Variants in FLNB observed in about 807,000 individuals in gnomAD.
FLNB encodes filamin B.
Under a neutral mutation model 250.6 loss-of-function variants are expected in FLNB, and 111 were observed. The observed-to-expected ratio is 0.44, with a 90% CI of 0.38 to 0.52. FLNB has a LOEUF of 0.52. FLNB is among the 20% of genes least tolerant of loss of function. The pLI is 0.00. For missense variants in FLNB, 2,869 were observed against 3,447.8 expected, an observed-to-expected ratio of 0.83 and a Z score of 4.20; for synonymous variants, 1,302 against 1,372.1, an observed-to-expected ratio of 0.95 and a Z score of 1.13.
intron 22 of FLNB, 54 bp downstream of exon 22, chr3:58,124,559 T>C: frequency 6.3e-7 from 1 of 1,586,358 alleles, no homozygotes; most frequent in Non-Finnish European, 8.6e-7. Flanking sequence ...CCTTGGTCAT[T>C]GCCTCCTGGT....
rs371047840 is a variant in FLNB at position 58,132,578 on chromosome 3, ATT to A, written c.4391-227_4391-226del. On this transcript the variant is annotated intron_variant, in intron 25 of 45. Coordinates refer to ENST00000295956, the MANE Select transcript of FLNB (RefSeq NM_001457.4). ...TTATACTCTAGGGCAGACTGAGTGTATTTTAGCCAACAAAAAGCTAAAGGTGT... is the reference window on the plus strand; with the variant it reads ...TTATACTCTAGGGCAGACTGAGTGTATTAGCCAACAAAAAGCTAAAGGTGT... The A allele has an allele frequency of 5.0e-6, 3 of 598,684 alleles. No individual in the cohort carries two copies. In the African/African-American group the frequency reaches 5.5e-5, roughly 11 times the overall value. 37.1% of individuals were successfully genotyped at this position (598,684 alleles called of 1,614,324 possible).
chr3:58,014,937 C>T (rs56124659), intron 1 of FLNB, among the ~76,000 whole-genome samples: 40,672 of 152,028 alleles, frequency 0.27, 5,769 homozygotes, highest in East Asian at 0.5. Flanking sequence ...CCTTGTTGGT[C>T]AGGCTGGTCT....
At chr3:58,150,353 T>G in intron 38 of FLNB, 126 bp downstream of exon 38, 1 of 949,160 alleles carries the variant, frequency 1.1e-6, no homozygotes, top group East Asian at 2.4e-5. Context: ...GCTGACCTTT[T>G]CATTTCACTT....
In FLNB at chr3:58,008,738, C is replaced by G. The variant is rs2097093923; in HGVS notation, c.174C>G (p.Ser58Arg). ...LRLIALLEVL[S>R]QKRMYRKYHQ... ...TCATCGCGCTGCTCGAGGTGCTCAGCCAGAAGCGCATGTACCGCAAGTACC... is the reference window on the plus strand; with the variant it reads ...TCATCGCGCTGCTCGAGGTGCTCAGGCAGAAGCGCATGTACCGCAAGTACC... Residue 58 changes from serine to arginine, a missense_variant, in exon 1 of 46, where the codon AGC (serine) becomes AGG (arginine). Physicochemically the swap from Ser to Arg is moderately radical, Grantham distance 110. Around this residue, in one of 5 missense-constraint regions of FLNB, gnomAD observed 308 missense variants for 466.1 expected, o/e 0.66. Transcript: ENST00000295956. 6.2e-7 allele frequency: 1 copy of G among 1,614,052 alleles called. No homozygotes were observed. The highest frequency in any genetic ancestry group is 1.1e-5 in the South Asian group (1 of 91,090).
At chr3:58,110,443 G>T (rs1014774083) in intron 16 of FLNB, among the ~76,000 whole-genome samples, 2 of 146,336 alleles carry the variant, frequency 1.4e-5, no homozygotes, top group African/African-American at 4.9e-5. Context: ...TTTTTAATTT[G>T]TTTTTATTTT....
Position 58,014,821 on chromosome 3 carries a change from C to T in FLNB, c.292+5965C>T, listed in dbSNP as rs918700024. Reference sequence around the variant, plus strand: ...TCGGCTCACTGCAACCTCTGTCTCCCGGGGTCAAGCAATTCTCCTGCCTCA... The same window carrying T: ...TCGGCTCACTGCAACCTCTGTCTCCTGGGGTCAAGCAATTCTCCTGCCTCA... On this transcript the variant is annotated intron_variant, in intron 1 of 45. Transcript: ENST00000295956. Among the ~76,000 whole-genome samples the T allele has an allele frequency of 6.6e-5, 10 of 152,230 alleles. No homozygotes were observed. In the East Asian group the frequency reaches 1.2e-3, roughly 18 times the overall value.
rs540173751 is a variant in FLNB at position 58,147,406 on chromosome 3, G to A, written c.5728+413G>A. Among the ~76,000 whole-genome samples, 352 of 152,330 alleles carry A rather than the reference G, an allele frequency of 2.3e-3. 2 individuals carry two copies. Among genetic ancestry groups the A allele is most frequent in the Middle Eastern group, 0.017 (5 of 294 alleles). ...TGAGGCTTGGCAAGGTAGTGGTGTA[G>A]CCAAGTTCACATATAGGTAAACAGA... is the stretch of plus-strand genomic sequence containing the variant. On this transcript the variant is annotated intron_variant, in intron 34 of 45. Coordinates refer to ENST00000295956, the MANE Select transcript of FLNB (RefSeq NM_001457.4).
chr3:58,078,274 A>G, intron 2 of FLNB: 1 of 1,419,136 alleles, frequency 7.0e-7, no homozygotes, highest in Non-Finnish European at 9.1e-7. Context: ...CCTTTACCTC[A>G]TGTGCTTACA....
At chr3:58,076,142 ATGAT>A (rs777475686) in intron 1 of FLNB, among the ~76,000 whole-genome samples, 4 of 152,214 alleles carry the variant, frequency 2.6e-5, no homozygotes, top group Non-Finnish European at 4.4e-5. Context: ...AAATATGAAA[ATGAT>A]TGATAACACC....
intron 39 of FLNB, 119 bp downstream of exon 39, chr3:58,153,760 G>A: frequency 8.5e-7 from 1 of 1,171,048 alleles, no homozygotes; most frequent in Non-Finnish European, 1.2e-6. Context: ...GTGGCATTAA[G>A]GGCATTATTT....
intron 8 of FLNB, among the ~76,000 whole-genome samples, chr3:58,101,046 A>G (rs1261914275): frequency 6.6e-6 from 1 of 152,326 alleles, no homozygotes; most frequent in East Asian, 1.9e-4. Context: ...GAAACTTTAT[A>G]TCACTTTCAC....
At chr3:58,083,994 C>G (rs990027933) in intron 4 of FLNB, among the ~76,000 whole-genome samples, 2 of 151,890 alleles carry the variant, frequency 1.3e-5, no homozygotes, top group Non-Finnish European at 2.9e-5. Context: ...AAGATTGAGA[C>G]CATCCTGGCT....
chr3:58,015,747 G>A (rs1160964794), intron 1 of FLNB, among the ~76,000 whole-genome samples: 1 of 152,142 alleles, frequency 6.6e-6, no homozygotes, highest in African/African-American at 2.4e-5. Flanking sequence ...AGATCCTGCT[G>A]TCTGTGCACC....
intron 25 of FLNB, 152 bp downstream of exon 25, chr3:58,131,060 AT>A: frequency 1.3e-6 from 1 of 741,590 alleles, no homozygotes; most frequent in Non-Finnish European, 2.2e-6. Context: ...AACAGTAGAA[AT>A]TCCTGCTTAC....
rs2097235442 is a variant in FLNB at position 58,094,868 on chromosome 3, C to T, written c.820C>T (p.Pro274Ser). 1 of 1,614,114 alleles carries T rather than the reference C, an allele frequency of 6.2e-7. No homozygotes were observed. The highest frequency in any genetic ancestry group is 8.5e-7 in the Non-Finnish European group (1 of 1,179,996). Reference protein sequence around the residue: ...IEPTGNMVKQPAKFTVDTISA... With the variant: ...IEPTGNMVKQSAKFTVDTISA... ...GCCCACTGGAAACATGGTGAAGCAGCCAGCCAAGTTCACTGTGGACACCAT... is the reference window on the plus strand; with the variant it reads ...GCCCACTGGAAACATGGTGAAGCAGTCAGCCAAGTTCACTGTGGACACCAT... Residue 274 changes from proline to serine, a missense_variant, in exon 5 of 46, where the codon CCA (proline) becomes TCA (serine). Pro to Ser is a moderately conservative substitution (Grantham distance 74). Around this residue, in one of 5 missense-constraint regions of FLNB, gnomAD observed 308 missense variants for 466.1 expected, o/e 0.66. Transcript: ENST00000295956.
In FLNB at chr3:58,126,632, T is replaced by C. The variant is rs559452385; in HGVS notation, c.4092T>C (p.Thr1364=). 1.2e-6 allele frequency: 2 copies of C among 1,614,102 alleles called. No individual in the cohort carries two copies. The highest frequency in any genetic ancestry group is 4.5e-5 in the East Asian group (2 of 44,884). The stretch of plus-strand genomic sequence containing the variant: ...CAGGAATTGGTGGGCTTGGCATAAC[T>C]GTTGAGGGACCATCAGAGTCGAAGA... ...RGAGIGGLGI[T]VEGPSESKIN... is the part of the protein sequence containing the mutation. The change falls in exon 24 of 46, where the codon ACT becomes ACC. Residue 1364 remains threonine, a synonymous_variant. Coordinates refer to ENST00000295956, the MANE Select transcript of FLNB (RefSeq NM_001457.4).
At chr3:58,093,804 C>T (rs2097232754) in intron 4 of FLNB, among the ~76,000 whole-genome samples, 1 of 152,050 alleles carries the variant, frequency 6.6e-6, no homozygotes, top group South Asian at 2.1e-4. Context: ...GGAAAAAAAC[C>T]ATTGACAGAA....
rs373579468 is a variant in FLNB, at chr3:58,123,144, G to A, written c.3178G>A (p.Glu1060Lys). 1.4e-5 allele frequency: 23 copies of A among 1,614,068 alleles called. No individual in the cohort carries two copies. Among genetic ancestry groups the A allele is most frequent in the East Asian group, 4.5e-5 (2 of 44,894 alleles). The change falls in exon 21 of 46, where the codon GAG becomes AAG. Residue 1060 changes from glutamate (E) to lysine (K), a missense_variant. This residue lies in a region of FLNB where 1,348 missense variants were observed against 1,466.7 expected (regional missense o/e 0.92). Coordinates refer to ENST00000295956, the MANE Select transcript of FLNB (RefSeq NM_001457.4). ...LEGGLVGKPAEFTIDTKGAGT... is the reference protein window; with the variant it reads ...LEGGLVGKPAKFTIDTKGAGT... ...AGGTGGTCTCGTGGGCAAGCCTGCC[G>A]AGTTCACCATCGATACCAAAGGAGC...
In FLNB at chr3:58,125,487, T is replaced by G. The variant is rs1011017997; in HGVS notation, c.3899-94T>G. On this transcript the variant is annotated intron_variant, in intron 22 of 45. Transcript: ENST00000295956. ...AAATAACATAGTATAGCATGCAGAC[T>G]TCGATGCTAGATGAAACTCTGAAGT... 41 of 1,412,118 alleles carry G rather than the reference T, an allele frequency of 2.9e-5. No homozygotes were observed. The African/African-American group carries it at 5.0e-4, about 17-fold the overall frequency. The allele number at this position is 1,412,118 out of a possible 1,614,324, so 87.5% of individuals were successfully genotyped here. A position where few individuals can be genotyped will look rare whatever the true frequency, so the allele number is the denominator to read the frequency against.
Sources: gnomAD v4.1 joint callset for allele counts (sites outside exome capture counted in the v4.1 genomes callset) on GRCh38, gnomAD v4.1.1 for gene constraint, gnomAD v4.1.1 regional missense constraint, MANE v1.5 for transcripts, NCBI Gene and HGNC (gene_info 2026-07-23, HGNC 2026-07-21) for gene names.